The following HIP1R variants were observed in gnomAD, a reference collection of about 807,000 sequenced individuals.
The protein encoded by HIP1R is huntingtin-interacting protein 1-related protein.
HIP1R carries 135 observed loss-of-function variants against 144.2 expected under a neutral mutation model. The observed-to-expected ratio is 0.94, with a 90% CI of 0.81 to 1.08. HIP1R has a LOEUF of 1.08. HIP1R is among the 50% of genes least tolerant of loss of function. The pLI is 0.00. For synonymous variants in HIP1R, 698 were observed against 612.8 expected (o/e 1.14, Z -2.05); for missense variants, 1,462 against 1,432.8 (o/e 1.02, Z -0.33).
chr12:122,860,633 T>C (rs1349082292), intron 27 of HIP1R, 46 bp from the exon 28 acceptor site: 1 of 1,582,452 alleles, frequency 6.3e-7, no homozygotes, highest in African/African-American at 1.3e-5. Context: ...GTGCCAGCCG[T>C]CCGTGGGGTC....
At position 122,856,390 on chromosome 12, in the gene HIP1R, G is replaced by A. The variant is rs774564378; in HGVS notation, c.1402-42G>A. 14 of 1,609,156 alleles carry A rather than the reference G, an allele frequency of 8.7e-6. No individual in the cohort carries two copies. In the East Asian group the frequency reaches 1.1e-4, roughly 13 times the overall value. ...ATCCCAGCCGGTGGCAGGGCCTCTC[G>A]GGGATGGCAGCAGAGCATGAGCCCT... On this transcript the variant is annotated intron_variant, in intron 15 of 31. Transcript: ENST00000253083.
At chr12:122,858,991 G>A (rs984664550) in intron 21 of HIP1R, 46 bp downstream of exon 21, 1 of 1,609,548 alleles carries the variant, frequency 6.2e-7, no homozygotes, top group African/African-American at 1.3e-5. Flanking sequence ...TCACTGGCTT[G>A]TCTCCCCTGG....
chr12:122,860,446 T>C lies in HIP1R; in HGVS notation c.2583T>C (p.Phe861=), dbSNP rs1453691899. 6.2e-7 allele frequency: 1 copy of C among 1,613,416 alleles called. No homozygotes were observed. The highest frequency in any genetic ancestry group is 1.7e-5 in the Admixed American group (1 of 60,014). The change falls in exon 27 of 32, where the codon TTT becomes TTC. Residue 861 remains phenylalanine, a synonymous_variant. Transcript: ENST00000253083. Reference sequence around the variant, plus strand: ...AGGGGGCAGCCACGCAGCAGGAATTTTACGCCAAGAACTCGCGCTGGACCG... The same window carrying C: ...AGGGGGCAGCCACGCAGCAGGAATTCTACGCCAAGAACTCGCGCTGGACCG... ...SGRGAATQQE[F]YAKNSRWTEG... is the part of the protein sequence containing the mutation.
upstream of HIP1R, chr12:122,834,901 G>T: frequency 8.0e-7 from 1 of 1,244,156 alleles, no homozygotes; most frequent in Non-Finnish European, 1.1e-6. Flanking sequence ...CATACATTAA[G>T]ACCAAAAAGG....
chr12:122,859,234 G>A (rs2033688449), intron 22 of HIP1R, 37 bp downstream of exon 22: 2 of 1,553,372 alleles, frequency 1.3e-6, no homozygotes, highest in African/African-American at 1.4e-5. Flanking sequence ...GGAGGCTTGG[G>A]CCTGCCTCTG....
At chr12:122,860,619 A>C in intron 27 of HIP1R, 60 bp from the exon 28 acceptor site, 1 of 1,561,636 alleles carries the variant, frequency 6.4e-7, no homozygotes, top group Non-Finnish European at 8.8e-7. Context: ...GGGGGTGTGG[A>C]GTGGTGCCAG....
chr12:122,860,548 G>T lies in HIP1R; in HGVS notation c.2660+25G>T, dbSNP rs753119082. 4.1e-5 allele frequency: 55 copies of T among 1,336,590 alleles called. No homozygotes were observed. Among genetic ancestry groups the T allele is most frequent in the Middle Eastern group, 3.6e-4 (2 of 5,488 alleles). 82.8% of individuals were successfully genotyped at this position (1,336,590 alleles called of 1,614,324 possible). ...TGTAGGTTGCCCTGGGTGGGGGGGG[G>T]CAGGGGGCTGCTTCCTGCCAGTTGG... On this transcript the variant is annotated intron_variant, in intron 27 of 31. Coordinates refer to ENST00000253083, the MANE Select transcript of HIP1R (RefSeq NM_003959.3).
intron 7 of HIP1R, among the ~76,000 whole-genome samples, chr12:122,851,958 C>T (rs920814756): frequency 1.3e-5 from 2 of 152,210 alleles, no homozygotes; most frequent in Admixed American, 6.5e-5. Context: ...AGGTTTGGGT[C>T]GTCCTGCCAT....
Position 122,854,037 on chromosome 12 carries a change from GCA to G in HIP1R, c.578-3_578-2del, listed in dbSNP as rs780220686. ...TCACGTTCTTCCTCCTGCCCCTTTT[GCA>G]CAGTTTTCCGACAGCTCAACACGGC... On this transcript the variant is annotated splice_region_variant and splice_polypyrimidine_tract_variant and intron_variant, in intron 7 of 31. Transcript: ENST00000253083. 14 of 1,612,578 alleles carry G rather than the reference GCA, an allele frequency of 8.7e-6. No homozygotes were observed. Among genetic ancestry groups the G allele is most frequent in the South Asian group, 3.3e-5 (3 of 90,900 alleles).
intron 1 of HIP1R, among the ~76,000 whole-genome samples, chr12:122,841,051 G>GCTTGGC (rs892351636): frequency 1.3e-5 from 2 of 152,232 alleles, no homozygotes; most frequent in African/African-American, 4.8e-5. Context: ...GTCCAGGCCT[G>GCTTGGC]CTTGGCCAAG....
rs555407898 is a variant in HIP1R at position 122,848,659 on chromosome 12, G to T, written c.300+51G>T. 23 of 1,595,208 alleles carry T rather than the reference G, an allele frequency of 1.4e-5. No homozygotes were observed. In the South Asian group the frequency reaches 2.5e-4, roughly 17 times the overall value. On this transcript the variant is annotated intron_variant, in intron 3 of 31. Coordinates refer to ENST00000253083, the MANE Select transcript of HIP1R (RefSeq NM_003959.3). ...CCCCGGAGCTGGGGCACTGTCCCGC[G>T]GACATGCGGGCTCTGGCCCTGTTCC...
rs370735146 is a variant in HIP1R at position 122,860,544 on chromosome 12, G to C, written c.2660+21G>C. 10 of 1,579,878 alleles carry C rather than the reference G, an allele frequency of 6.3e-6. No homozygotes were observed. In the East Asian group the frequency reaches 6.7e-5, roughly 11 times the overall value. On this transcript the variant is annotated intron_variant, in intron 27 of 31. Coordinates refer to ENST00000253083, the MANE Select transcript of HIP1R (RefSeq NM_003959.3). ...CTGGTGTAGGTTGCCCTGGGTGGGG[G>C]GGGGCAGGGGGCTGCTTCCTGCCAG...
upstream of HIP1R, chr12:122,835,341 G>A (rs2032844984): frequency 2.0e-6 from 2 of 986,762 alleles, no homozygotes. Context: ...TTGGGGGCGG[G>A]CGAGGCGTTT....
intron 1 of HIP1R, among the ~76,000 whole-genome samples, chr12:122,842,871 C>T (rs750598105): frequency 2.0e-5 from 3 of 152,200 alleles, no homozygotes; most frequent in African/African-American, 4.8e-5. Context: ...GGGCTGCTCA[C>T]GAGTCAGCGG....
At chr12:122,858,564 G>A in intron 20 of HIP1R, 129 bp downstream of exon 20, 1 of 761,774 alleles carries the variant, frequency 1.3e-6, no homozygotes, top group South Asian at 1.8e-5. Flanking sequence ...GATGCCCCCT[G>A]CCTGCTCCTT....
chr12:122,847,985 G>C, intron 1 of HIP1R, 46 bp from the exon 2 acceptor site: 7 of 1,596,710 alleles, frequency 4.4e-6, no homozygotes, highest in Non-Finnish European at 6.0e-6. Context: ...GTGTCTCCTG[G>C]GGTGGCTGCC....
intron 1 of HIP1R, among the ~76,000 whole-genome samples, 181 bp downstream of exon 1, chr12:122,835,824 G>T (rs1463300490): frequency 1.3e-5 from 2 of 148,944 alleles, no homozygotes; most frequent in Non-Finnish European, 3.0e-5. Flanking sequence ...GCCCCCCGCC[G>T]GCCTCCGCGG....
At chr12:122,855,008 C>G in intron 9 of HIP1R, 45 bp from the exon 10 acceptor site, 1 of 1,613,388 alleles carries the variant, frequency 6.2e-7, no homozygotes, top group Non-Finnish European at 8.5e-7. Flanking sequence ...GGGGGAGAGG[C>G]TCCGTGGCCC....
chr12:122,859,143 C>T lies in HIP1R; in HGVS notation c.2241C>T (p.His747=), dbSNP rs1240775962. The change falls in exon 22 of 32, where the codon CAC becomes CAT. Residue 747 remains histidine (H), a synonymous_variant. Transcript: ENST00000253083. ...GQLQDQQALR[H]MQASLVRTPL... ...TGCAGGACCAGCAGGCTCTGCGGCA[C>T]ATGCAGGCCAGCCTGGTGCGGACAC... The T allele has an allele frequency of 6.3e-7, 1 of 1,586,056 alleles. No individual in the cohort carries two copies. The highest frequency in any genetic ancestry group is 8.6e-7 in the Non-Finnish European group (1 of 1,166,976).
Sources: allele counts gnomAD v4.1 joint callset (sites outside exome capture counted in the v4.1 genomes callset), GRCh38; gene constraint gnomAD v4.1.1; transcripts MANE v1.5; gene names NCBI Gene and HGNC (gene_info 2026-07-23, HGNC 2026-07-21).